The following PRKCI variants were observed in gnomAD, a reference collection of about 807,000 sequenced individuals.
PRKCI encodes the protein protein kinase C iota.
A neutral mutation model predicts 84.0 loss-of-function variants in PRKCI; 43 were observed. The observed-to-expected ratio is 0.51, with a 90% CI of 0.40 to 0.66. The LOEUF (loss-of-function observed/expected upper bound fraction) is 0.66. PRKCI is among the 30% of genes least tolerant of loss of function. The pLI is 0.00. For missense variants in PRKCI, 459 were observed against 745.6 expected (o/e 0.62, Z 4.48); for synonymous variants, 216 against 234.4 (o/e 0.92, Z 0.72).
chr3:170,230,536 G>A (rs975898036), intron 1 of PRKCI, among the ~76,000 whole-genome samples: 3 of 152,212 alleles, frequency 2.0e-5, no homozygotes, highest in Non-Finnish European at 4.4e-5. Context: ...TGCCATGTTG[G>A]CCAGGCTGGT....
Position 170,270,576 on chromosome 3 carries a change from CTTT to C in PRKCI, c.591+33_591+35del, listed in dbSNP as rs75266191. On this transcript the variant is annotated intron_variant, in intron 6 of 17. Coordinates refer to ENST00000295797, the MANE Select transcript of PRKCI (RefSeq NM_002740.6). ...CTTTGCCACAGGTAAGATGTCTGTC[CTTT>C]TTTTTTTTTTTTTTTTTAAGAGCGT... The C allele has an allele frequency of 3.6e-3, 4,893 of 1,346,356 alleles. No homozygotes were observed. Among genetic ancestry groups the C allele is most frequent in the South Asian group, 0.011 (654 of 58,470 alleles). The allele number at this position is 1,346,356 out of a possible 1,614,324, so 83.4% of individuals were successfully genotyped here.
chr3:170,260,620 T>G (rs1733700150), intron 3 of PRKCI, among the ~76,000 whole-genome samples: 1 of 152,090 alleles, frequency 6.6e-6, no homozygotes, highest in African/African-American at 2.4e-5. Flanking sequence ...GGCTGGCTAA[T>G]TTTTATATTT....
chr3:170,300,053 T>C (rs1734785456), intron 17 of PRKCI, among the ~76,000 whole-genome samples: 1 of 152,236 alleles, frequency 6.6e-6, no homozygotes, highest in African/African-American at 2.4e-5. Flanking sequence ...ATTTACCTGT[T>C]GTTACAGATT....
chr3:170,272,019 A>G (rs2108854495), intron 6 of PRKCI, among the ~76,000 whole-genome samples: 1 of 152,178 alleles, frequency 6.6e-6, no homozygotes. Flanking sequence ...TTTTCAGTAG[A>G]GATGGGGTTT....
chr3:170,287,030 A>G (rs1416719271), intron 12 of PRKCI, among the ~76,000 whole-genome samples: 1 of 152,086 alleles, frequency 6.6e-6, no homozygotes, highest in Non-Finnish European at 1.5e-5. Flanking sequence ...ACCACGCCCG[A>G]CTGAAGATAT....
intron 2 of PRKCI, among the ~76,000 whole-genome samples, chr3:170,257,331 A>G (rs1333778222): frequency 6.6e-6 from 1 of 152,208 alleles, no homozygotes; most frequent in African/African-American, 2.4e-5. Flanking sequence ...AAAAGATGTC[A>G]TAGGTTTCAG....
At chr3:170,228,362 G>A (rs540109753) in intron 1 of PRKCI, among the ~76,000 whole-genome samples, 1 of 152,310 alleles carries the variant, frequency 6.6e-6, no homozygotes, top group South Asian at 2.1e-4. Flanking sequence ...CACTTTGGGA[G>A]GTCAGGGCAG....
intron 11 of PRKCI, among the ~76,000 whole-genome samples, chr3:170,283,041 G>C (rs943246532): frequency 3.4e-5 from 5 of 148,790 alleles, no homozygotes; most frequent in Non-Finnish European, 6.0e-5. Context: ...GGAGGCGGAG[G>C]TTGCAGTGAG....
intron 2 of PRKCI, among the ~76,000 whole-genome samples, chr3:170,252,604 CCTT>C (rs1733482332): frequency 1.3e-5 from 2 of 151,208 alleles, no homozygotes; most frequent in South Asian, 4.2e-4. Flanking sequence ...CTTTTTCTAA[CCTT>C]TTTTTTTTTC....
At chr3:170,291,404 A>G (rs1342023591) in intron 12 of PRKCI, among the ~76,000 whole-genome samples, 1 of 152,134 alleles carries the variant, frequency 6.6e-6, no homozygotes, top group East Asian at 1.9e-4. Flanking sequence ...GATTTTAATA[A>G]TAAAGGCAGT....
At position 170,281,943 on chromosome 3, in the gene PRKCI, A is replaced by C. The variant is rs550089459; in HGVS notation, c.1042A>C (p.Arg348=). Residue 348 remains arginine, a synonymous_variant, in exon 11 of 18, where the codon AGA becomes CGA. Transcript: ENST00000295797. The part of the protein sequence containing the change: ...GDLMFHMQRQ[R]KLPEEHARFY... ...CCTAATGTTTCATATGCAGCGACAAAGAAAACTTCCTGAAGAACATGCCAG... is the reference window on the plus strand; with the variant it reads ...CCTAATGTTTCATATGCAGCGACAACGAAAACTTCCTGAAGAACATGCCAG... 7.9e-5 allele frequency: 127 copies of C among 1,611,484 alleles called. 1 individual carries two copies. In the South Asian group the frequency reaches 1.2e-3, roughly 16 times the overall value.
At chr3:170,295,409 C>T (rs1306792328) in intron 14 of PRKCI, among the ~76,000 whole-genome samples, 1 of 151,996 alleles carries the variant, frequency 6.6e-6, no homozygotes, top group African/African-American at 2.4e-5. Flanking sequence ...TGGCTCACAC[C>T]TGTAATCCCA....
At chr3:170,234,131 A>C (rs1441692943) in intron 1 of PRKCI, among the ~76,000 whole-genome samples, 1 of 144,612 alleles carries the variant, frequency 6.9e-6, no homozygotes, top group Admixed American at 7.5e-5. Flanking sequence ...TCCCGGGTTC[A>C]AGCGATTCTT....
intron 1 of PRKCI, among the ~76,000 whole-genome samples, chr3:170,225,455 C>T (rs1452020759): frequency 3.3e-5 from 5 of 152,122 alleles, no homozygotes; most frequent in Non-Finnish European, 7.4e-5. Context: ...GAAAATCCTT[C>T]CTTTATACCA....
chr3:170,255,055 CTTTTTTT>C (rs34437904), intron 2 of PRKCI, among the ~76,000 whole-genome samples: 1 of 38,854 alleles, frequency 2.6e-5, no homozygotes, highest in Non-Finnish European at 4.3e-5. Context: ...AGATCTTTCA[CTTTTTTT>C]TTTTTTTTTT....
chr3:170,267,826 T>G, intron 4 of PRKCI, 89 bp from the exon 5 acceptor site: 1 of 884,620 alleles, frequency 1.1e-6, no homozygotes, highest in Non-Finnish European at 1.7e-6. Context: ...TTGCAGTGAG[T>G]ATCATGAAAA....
chr3:170,255,425 G>T (rs1221000435), intron 2 of PRKCI, among the ~76,000 whole-genome samples: 2 of 152,046 alleles, frequency 1.3e-5, no homozygotes, highest in Non-Finnish European at 2.9e-5. Flanking sequence ...TACTGTAAAT[G>T]GAATTACTTT....
At chr3:170,279,741 A>G (rs772737707) in intron 8 of PRKCI, among the ~76,000 whole-genome samples, 2 of 152,222 alleles carry the variant, frequency 1.3e-5, no homozygotes, top group Non-Finnish European at 2.9e-5. Context: ...CATTCTATGT[A>G]TCAAGCTTCC....
chr3:170,269,490 C>G (rs1422471542), intron 5 of PRKCI, among the ~76,000 whole-genome samples: 1 of 151,720 alleles, frequency 6.6e-6, no homozygotes, highest in Non-Finnish European at 1.5e-5. Flanking sequence ...GTGTGAGATC[C>G]CATCTCTACA....
Sources: gnomAD v4.1 joint callset for allele counts (sites outside exome capture counted in the v4.1 genomes callset) on GRCh38, gnomAD v4.1.1 for gene constraint, MANE v1.5 for transcripts, NCBI Gene and HGNC (gene_info 2026-07-23, HGNC 2026-07-21) for gene names.